The following TTC28 variants were observed in gnomAD, a reference collection of about 807,000 sequenced individuals.
TTC28 encodes tetratricopeptide repeat protein 28.
In TTC28, 61 loss-of-function variants were observed where a neutral mutation model predicts 198.0. That is an observed-to-expected ratio of 0.31 (90% CI 0.25 to 0.38). The LOEUF is 0.38. TTC28 is among the 10% of genes least tolerant of loss of function. The pLI, the probability that TTC28 is intolerant of heterozygous loss-of-function variation, is 1.00. For missense variants in TTC28, 2,678 were observed against 3,164.0 expected, an observed-to-expected ratio of 0.85 and a Z score of 3.69; for synonymous variants, 1,171 against 1,297.8, an observed-to-expected ratio of 0.90 and a Z score of 2.10.
intron 5 of TTC28, among the ~76,000 whole-genome samples, chr22:28,209,152 A>G (rs1046400773): frequency 1.3e-5 from 2 of 152,208 alleles, no homozygotes; most frequent in Non-Finnish European, 2.9e-5. Flanking sequence ...ACTTCTCTGC[A>G]CTTCAGTCTC....
intron 2 of TTC28, among the ~76,000 whole-genome samples, chr22:28,605,579 CAGA>C (rs2050716020): frequency 6.6e-6 from 1 of 152,188 alleles, no homozygotes; most frequent in African/African-American, 2.4e-5. Context: ...TTCCCCAACA[CAGA>C]AGGACAGTCC....
At chr22:28,637,642 A>G (rs2051297361) in intron 1 of TTC28, among the ~76,000 whole-genome samples, 1 of 152,222 alleles carries the variant, frequency 6.6e-6, no homozygotes, top group Non-Finnish European at 1.5e-5. Context: ...AAATGGCAAT[A>G]GTAAGTCCTT....
At chr22:28,245,513 TTAAATCC>T (rs1192491243) in intron 5 of TTC28, among the ~76,000 whole-genome samples, 1 of 152,132 alleles carries the variant, frequency 6.6e-6, no homozygotes, top group Non-Finnish European at 1.5e-5. Flanking sequence ...TACTCAGAAC[TTAAATCC>T]TATTTTTTAG....
At chr22:28,150,192 G>A (rs1408616169) in intron 6 of TTC28, among the ~76,000 whole-genome samples, 11 of 152,092 alleles carry the variant, frequency 7.2e-5, no homozygotes, top group African/African-American at 2.2e-4. Flanking sequence ...ATAAAGTTGA[G>A]GACAGCTATG....
At chr22:28,473,812 TAAG>T (rs996300806) in intron 2 of TTC28, among the ~76,000 whole-genome samples, 16 of 152,164 alleles carry the variant, frequency 1.1e-4, no homozygotes, top group African/African-American at 1.7e-4. Context: ...GTTGTCTTTA[TAAG>T]AAGAAGAGAT....
rs1937887145 is a variant in TTC28, at chr22:28,005,228, C to G, written c.4219-3675G>C. Among the ~76,000 whole-genome samples, 1 of 152,110 alleles carries G rather than the reference C, an allele frequency of 6.6e-6. No homozygotes were observed. The highest frequency in any genetic ancestry group is 2.1e-4 in the South Asian group (1 of 4,824). ...ATGATGCTTGAGAACTTACGGTGTTCCAGGCCAGGTGAGGGAAAAGGGGAA... is the reference window on the plus strand; with the variant it reads ...ATGATGCTTGAGAACTTACGGTGTTGCAGGCCAGGTGAGGGAAAAGGGGAA... On this transcript the variant is annotated intron_variant, in intron 14 of 22. Transcript: ENST00000397906. The surrounding 1 kb of genome is among the most constrained non-coding windows in gnomAD (Gnocchi z 4.9).
intron 5 of TTC28, among the ~76,000 whole-genome samples, chr22:28,207,222 TG>T (rs35343620): frequency 0.15 from 16,109 of 109,294 alleles, 1,165 homozygotes; most frequent in South Asian, 0.27. Context: ...GCTAAGCAGA[TG>T]GAAAAAAAAA....
chr22:28,650,301 C>G (rs2051544474), intron 1 of TTC28, among the ~76,000 whole-genome samples: 1 of 152,090 alleles, frequency 6.6e-6, no homozygotes, highest in African/African-American at 2.4e-5. Flanking sequence ...TGCCTATGGA[C>G]AAGAATCACT....
intron 2 of TTC28, among the ~76,000 whole-genome samples, chr22:28,586,883 C>T (rs1036217540): frequency 2.0e-5 from 3 of 152,040 alleles, no homozygotes; most frequent in African/African-American, 7.2e-5. Flanking sequence ...TGAAGTGTAC[C>T]TTTCATTGGA....
intron 5 of TTC28, among the ~76,000 whole-genome samples, chr22:28,260,747 A>G (rs775248915): frequency 6.6e-6 from 1 of 152,202 alleles, no homozygotes; most frequent in Non-Finnish European, 1.5e-5. Flanking sequence ...ATCTGTACCT[A>G]AAGAATGATA....
intron 2 of TTC28, among the ~76,000 whole-genome samples, chr22:28,589,248 GC>G (rs1406826838): frequency 6.6e-6 from 1 of 152,182 alleles, no homozygotes; most frequent in Non-Finnish European, 1.5e-5. Context: ...ATTTAGAGGA[GC>G]CCCTTGATTT....
intron 5 of TTC28, among the ~76,000 whole-genome samples, chr22:28,201,659 G>T (rs1925947833): frequency 6.6e-6 from 1 of 150,612 alleles, no homozygotes; most frequent in South Asian, 2.1e-4. Flanking sequence ...ACAGCCAGGG[G>T]AGTTCTCAAA....
At chr22:28,066,303 TGG>T (rs1491202294) in intron 12 of TTC28, among the ~76,000 whole-genome samples, 12 of 139,998 alleles carry the variant, frequency 8.6e-5, no homozygotes, top group Non-Finnish European at 1.5e-4. Context: ...TGTGTGTGTG[TGG>T]TGTGTGTGTG....
At chr22:28,358,348 T>C (rs1272401306) in intron 2 of TTC28, among the ~76,000 whole-genome samples, 1 of 152,178 alleles carries the variant, frequency 6.6e-6, no homozygotes, top group Non-Finnish European at 1.5e-5. Flanking sequence ...TCTAATACAC[T>C]GGTCACAGGC....
chr22:28,474,090 G>A (rs539414481), intron 2 of TTC28, among the ~76,000 whole-genome samples: 14 of 152,244 alleles, frequency 9.2e-5, no homozygotes, highest in African/African-American at 2.4e-4. Context: ...GATTAAACAC[G>A]AATTTAGATC....
At chr22:28,661,295 C>T (rs1039292813) in intron 1 of TTC28, among the ~76,000 whole-genome samples, 6 of 152,074 alleles carry the variant, frequency 3.9e-5, no homozygotes, top group Non-Finnish European at 8.8e-5. Context: ...AGAAAAAAAA[C>T]AATTGTTGTT....
intron 2 of TTC28, among the ~76,000 whole-genome samples, chr22:28,428,938 C>A (rs1172193500): frequency 6.6e-6 from 1 of 152,068 alleles, no homozygotes; most frequent in Non-Finnish European, 1.5e-5. Context: ...CCGCGCCCAG[C>A]CCATTTCATG....
intron 2 of TTC28, among the ~76,000 whole-genome samples, chr22:28,478,635 G>T (rs2048199451): frequency 6.6e-6 from 1 of 152,062 alleles, no homozygotes; most frequent in Admixed American, 6.5e-5. Flanking sequence ...GGGTGGGAAG[G>T]TTCATCAATG....
At chr22:28,432,147 G>A (rs1056452764) in intron 2 of TTC28, among the ~76,000 whole-genome samples, 7 of 151,778 alleles carry the variant, frequency 4.6e-5, no homozygotes, top group Middle Eastern at 3.4e-3. Flanking sequence ...TTAGCCAGGC[G>A]TGGTGGCGGG....
Sources: gnomAD v4.1 joint callset for allele counts (sites outside exome capture counted in the v4.1 genomes callset) on GRCh38, gnomAD v4.1.1 for gene constraint, Gnocchi (gnomAD v3.1) non-coding constraint, MANE v1.5 for transcripts, NCBI Gene and HGNC (gene_info 2026-07-23, HGNC 2026-07-21) for gene names.